Variants in SUSD5 observed in about 807,000 individuals in gnomAD.
SUSD5 encodes the protein sushi domain containing 5, also known as sushi domain-containing protein 5.
A neutral mutation model predicts 29.5 loss-of-function variants in SUSD5; 33 were observed. The ratio of observed to expected loss-of-function variants is 1.12; its 90% CI spans 0.85 to 1.49. The LOEUF is 1.49. Ranked by LOEUF, SUSD5 falls within the 40% of genes most tolerant of loss-of-function variation. The probability of loss-of-function intolerance (pLI) is 0.00; values close to 1 mark genes in which losing one functional copy is unlikely to be tolerated. For missense variants in SUSD5, 776 were observed against 800.6 expected (o/e 0.97, Z 0.37); for synonymous variants, 308 against 325.3 (o/e 0.95, Z 0.57).
intron 4 of SUSD5, among the ~76,000 whole-genome samples, chr3:33,159,844 C>G (rs12631761): frequency 6.6e-6 from 1 of 152,028 alleles, no homozygotes; most frequent in African/African-American, 2.4e-5. Flanking sequence ...TAATATATTG[C>G]AATGAATTTC....
chr3:33,160,325 G>C (rs924543708), intron 4 of SUSD5, among the ~76,000 whole-genome samples: 1 of 151,754 alleles, frequency 6.6e-6, no homozygotes, highest in East Asian at 1.9e-4. Flanking sequence ...TAAAATATCT[G>C]AGGCAGGGGG....
At chr3:33,175,563 C>CACTATA (rs1553620684) in intron 3 of SUSD5, among the ~76,000 whole-genome samples, 2 of 150,262 alleles carry the variant, frequency 1.3e-5, no homozygotes, top group East Asian at 2.0e-4. Context: ...CACACACACA[C>CACTATA]TATATATATA....
chr3:33,204,079 A>C lies in SUSD5; in HGVS notation c.409+3729T>G, dbSNP rs1274215511. 1.3e-5 allele frequency among the ~76,000 whole-genome samples: 2 copies of C among 151,736 alleles called. No homozygotes were observed. The highest frequency in any genetic ancestry group is 2.9e-5 in the Non-Finnish European group (2 of 67,918). ...ACAGGGTGCGCCACCATGCCTGGCT[A>C]ATTTTTTTTATTTTTTGAAGAGATG... is the stretch of plus-strand genomic sequence containing the variant. On this transcript the variant is annotated intron_variant, in intron 3 of 4. Coordinates refer to ENST00000309558, the MANE Select transcript of SUSD5 (RefSeq NM_015551.2). This position sits in a 1 kb window ranked among gnomAD's most constrained non-coding sequence, Gnocchi z 4.5.
At chr3:33,179,483 G>T (rs536667343) in intron 3 of SUSD5, among the ~76,000 whole-genome samples, 4 of 152,290 alleles carry the variant, frequency 2.6e-5, no homozygotes, top group African/African-American at 4.8e-5. Flanking sequence ...TGAGCTTCTT[G>T]TTGGCCTCTC....
In SUSD5 at chr3:33,153,885, A is replaced by G. The variant is rs1175529256; in HGVS notation, c.747T>C (p.Arg249=). ...DSSEEAPKQD[R]LVSISVGREN... is the part of the protein sequence containing the mutation. ...CTCTCCCCACAGAAATGGAGACCAGACGGTCCTGTTTTGGAGCCTCCTCAG... is the reference window on the plus strand; with the variant it reads ...CTCTCCCCACAGAAATGGAGACCAGGCGGTCCTGTTTTGGAGCCTCCTCAG... Residue 249 remains arginine, a synonymous_variant, in exon 5 of 5, where the codon CGT becomes CGC. Coordinates refer to ENST00000309558, the MANE Select transcript of SUSD5 (RefSeq NM_015551.2). 6.2e-7 allele frequency: 1 copy of G among 1,613,874 alleles called. No individual in the cohort carries two copies.
chr3:33,193,495 G>A (rs2031938266), intron 3 of SUSD5, among the ~76,000 whole-genome samples: 1 of 152,156 alleles, frequency 6.6e-6, no homozygotes, highest in African/African-American at 2.4e-5. Flanking sequence ...ATGAGTATAA[G>A]TTTGGGACTT....
At chr3:33,183,747 C>A (rs1056795126) in intron 3 of SUSD5, among the ~76,000 whole-genome samples, 1 of 151,982 alleles carries the variant, frequency 6.6e-6, no homozygotes, top group African/African-American at 2.4e-5. Flanking sequence ...TCCCTGCTCC[C>A]TAAAGAACTT....
chr3:33,215,435 G>C (rs549274774), intron 1 of SUSD5, among the ~76,000 whole-genome samples: 54 of 152,172 alleles, frequency 3.5e-4, no homozygotes, highest in African/African-American at 1.2e-3. Flanking sequence ...ATGCCTTTTA[G>C]ACTACAACAA....
At chr3:33,213,870 TATA>T in intron 2 of SUSD5, 55 bp downstream of exon 2, 1 of 1,532,256 alleles carries the variant, frequency 6.5e-7, no homozygotes, top group Non-Finnish European at 8.8e-7. Flanking sequence ...CTGAGTCCTA[TATA>T]AGCCTTGGTG....
chr3:33,162,325 T>C (rs753070557), intron 4 of SUSD5, among the ~76,000 whole-genome samples: 6 of 152,126 alleles, frequency 3.9e-5, no homozygotes, highest in African/African-American at 1.4e-4. Context: ...AGTTATACCT[T>C]TAAATATCTA....
At chr3:33,165,496 G>C (rs1469073651) in intron 4 of SUSD5, among the ~76,000 whole-genome samples, 3 of 152,136 alleles carry the variant, frequency 2.0e-5, no homozygotes, top group Admixed American at 2.0e-4. Context: ...TTTTTGAAAT[G>C]TTCTGTATTT....
At chr3:33,210,777 GAAT>G (rs916855215) in intron 2 of SUSD5, among the ~76,000 whole-genome samples, 1 of 151,962 alleles carries the variant, frequency 6.6e-6, no homozygotes, top group African/African-American at 2.4e-5. Context: ...GGTGAAAAGA[GAAT>G]AATATGTTTT....
intron 1 of SUSD5, among the ~76,000 whole-genome samples, chr3:33,216,800 G>A (rs999753692): frequency 2.0e-5 from 3 of 152,164 alleles, no homozygotes; most frequent in Non-Finnish European, 2.9e-5. Flanking sequence ...GTAGGAACTG[G>A]TGGCAGCTAA....
At chr3:33,179,859 G>T (rs1421974287) in intron 3 of SUSD5, among the ~76,000 whole-genome samples, 4 of 152,186 alleles carry the variant, frequency 2.6e-5, no homozygotes, top group African/African-American at 9.7e-5. Flanking sequence ...CTGAATATAT[G>T]ATGGTAGTCT....
chr3:33,211,522 A>G (rs2032323696), intron 2 of SUSD5, among the ~76,000 whole-genome samples: 1 of 152,240 alleles, frequency 6.6e-6, no homozygotes, highest in African/African-American at 2.4e-5. Flanking sequence ...CAGATTCACC[A>G]AAAGGCTTTG....
At chr3:33,201,628 G>A (rs1454955711) in intron 3 of SUSD5, among the ~76,000 whole-genome samples, 1 of 152,154 alleles carries the variant, frequency 6.6e-6, no homozygotes, top group Non-Finnish European at 1.5e-5. Flanking sequence ...CCTAGGCCTG[G>A]GTGTGTGGGT....
rs548377167 is a variant in SUSD5 at position 33,188,795 on chromosome 3, G to A, written c.410-13721C>T. 2.6e-5 allele frequency among the ~76,000 whole-genome samples: 4 copies of A among 152,214 alleles called. No homozygotes were observed. The East Asian group carries it at 5.8e-4, about 22-fold the overall frequency. ...GGGTGAAGAAAATGTTCTATATCATGACTGGGTGTTGATTACACAGGTGTA... is the reference window on the plus strand; with the variant it reads ...GGGTGAAGAAAATGTTCTATATCATAACTGGGTGTTGATTACACAGGTGTA... On this transcript the variant is annotated intron_variant, in intron 3 of 4. Coordinates refer to ENST00000309558, the MANE Select transcript of SUSD5 (RefSeq NM_015551.2).
At chr3:33,182,456 T>A (rs570691812) in intron 3 of SUSD5, among the ~76,000 whole-genome samples, 4 of 152,354 alleles carry the variant, frequency 2.6e-5, no homozygotes, top group African/African-American at 9.6e-5. Context: ...AAATTGGCTG[T>A]CAAGTTCAAC....
At chr3:33,164,794 CAAAT>C (rs2031270562) in intron 4 of SUSD5, among the ~76,000 whole-genome samples, 1 of 152,146 alleles carries the variant, frequency 6.6e-6, no homozygotes, top group Admixed American at 6.6e-5. Context: ...CAGGGAAACT[CAAAT>C]TAAGTGACAT....
Sources: allele counts gnomAD v4.1 joint callset (sites outside exome capture counted in the v4.1 genomes callset), GRCh38; gene constraint gnomAD v4.1.1; non-coding constraint Gnocchi (gnomAD v3.1); transcripts MANE v1.5; gene names NCBI Gene and HGNC (gene_info 2026-07-23, HGNC 2026-07-21).